ALDH8A1: variants seen among roughly 807,000 people sequenced by gnomAD.
ALDH8A1 encodes 2-aminomuconic semialdehyde dehydrogenase.
In ALDH8A1, 39 loss-of-function variants were observed where a neutral mutation model predicts 43.3. The ratio of observed to expected loss-of-function variants is 0.90; its 90% CI spans 0.70 to 1.18. The LOEUF (loss-of-function observed/expected upper bound fraction) is 1.18, where lower values mean the gene tolerates loss of function less well. Among genes scored for constraint, ALDH8A1 ranks in the 50% most tolerant of loss-of-function variants. ALDH8A1 has a pLI of 0.00. For synonymous variants in ALDH8A1, 233 were observed against 243.5 expected (o/e 0.96, Z 0.40); for missense variants, 605 against 622.6 (o/e 0.97, Z 0.30).
At chr6:134,925,333 G>A (rs1309328887) in intron 6 of ALDH8A1, among the ~76,000 whole-genome samples, 3 of 152,152 alleles carry the variant, frequency 2.0e-5, no homozygotes, top group African/African-American at 4.8e-5. Flanking sequence ...TTTAATGATC[G>A]GTGATACTAG....
At chr6:134,944,619 C>T (rs1362317990) in intron 1 of ALDH8A1, among the ~76,000 whole-genome samples, 2 of 152,110 alleles carry the variant, frequency 1.3e-5, no homozygotes, top group Non-Finnish European at 2.9e-5. Context: ...AGTGGTGGCT[C>T]ATGCCTGTAA....
intron 2 of ALDH8A1, among the ~76,000 whole-genome samples, chr6:134,943,039 G>C (rs1461795582): frequency 1.3e-5 from 2 of 152,178 alleles, no homozygotes; most frequent in Non-Finnish European, 2.9e-5. Flanking sequence ...GGAATGCCCT[G>C]GCACGGGATG....
chr6:134,922,458 G>A (rs1345859508), intron 6 of ALDH8A1, among the ~76,000 whole-genome samples: 4 of 151,946 alleles, frequency 2.6e-5, no homozygotes, highest in Non-Finnish European at 5.9e-5. Flanking sequence ...TGTGATCTCG[G>A]CTCACTGCAA....
chr6:134,933,849 C>T (rs1773675188), intron 4 of ALDH8A1, among the ~76,000 whole-genome samples: 1 of 152,034 alleles, frequency 6.6e-6, no homozygotes, highest in South Asian at 2.1e-4. Flanking sequence ...GCTGGGATTA[C>T]AGGCGTGCAC....
In ALDH8A1 at chr6:134,918,382, C is replaced by T. The variant is rs1776740420; in HGVS notation, c.*33G>A. ...TGAACAACTGATGCCTGCAGCCAGG[C>T]ATTGGCCATAGTGGCTCCACCATTA... On this transcript the variant is annotated 3_prime_UTR_variant, in exon 7 of 7. Coordinates refer to ENST00000265605, the MANE Select transcript of ALDH8A1 (RefSeq NM_022568.4). 1 of 1,588,360 alleles carries T rather than the reference C, an allele frequency of 6.3e-7. No homozygotes were observed. Among genetic ancestry groups the T allele is most frequent in the Admixed American group, 1.7e-5 (1 of 58,788 alleles).
At chr6:134,932,650 A>T in intron 5 of ALDH8A1, 126 bp downstream of exon 5, 1 of 1,344,758 alleles carries the variant, frequency 7.4e-7, no homozygotes. Context: ...CACACAATGT[A>T]CTGATCCTGC....
At position 134,918,564 on chromosome 6, in the gene ALDH8A1, G is replaced by A. The variant is rs1482873474; in HGVS notation, c.1315C>T (p.Gln439Ter). 1 of 1,614,208 alleles carries A rather than the reference G, an allele frequency of 6.2e-7. No homozygotes were observed. The highest frequency in any genetic ancestry group is 2.2e-5 in the East Asian group (1 of 44,882). The change falls in exon 7 of 7, where the codon CAG becomes TAG. Residue 439 changes from glutamine to a stop codon, truncating the protein, a stop_gained. Transcript: ENST00000265605. LOFTEE classifies it high-confidence loss of function. ...GRVHRVAKKLQSGLVWTNCWL... is the reference protein window; with the variant it reads ...GRVHRVAKKL ...CAGTTGGTCCAGACCAAGCCAGACT[G>A]CAGCTTCTTAGCCACCCGGTGGACG...
Position 134,918,189 on chromosome 6 carries a change from T to C in ALDH8A1, c.*226A>G, listed in dbSNP as rs1776736663. The C allele has an allele frequency of 3.8e-6, 2 of 530,456 alleles. No individual in the cohort carries two copies. The highest frequency in any genetic ancestry group is 6.1e-5 in the South Asian group (2 of 32,646). 32.9% of individuals were successfully genotyped at this position (530,456 alleles called of 1,614,324 possible). ...GGAGGAGCCTGACAACTGGCATCAT[T>C]GTTCTATCTTCCTACTTATAAGTCT... On this transcript the variant is annotated 3_prime_UTR_variant, in exon 7 of 7. Transcript: ENST00000265605.
intron 6 of ALDH8A1, among the ~76,000 whole-genome samples, chr6:134,920,211 T>A (rs1017446713): frequency 3.9e-5 from 6 of 152,196 alleles, no homozygotes; most frequent in Non-Finnish European, 7.4e-5. Context: ...AAGACTTTTT[T>A]AAAAAATAGA....
At chr6:134,934,916 G>A (rs538518231) in intron 4 of ALDH8A1, among the ~76,000 whole-genome samples, 3 of 152,322 alleles carry the variant, frequency 2.0e-5, no homozygotes, top group South Asian at 4.1e-4. Context: ...CTTGTAAGTT[G>A]GCCCTACAGT....
chr6:134,935,036 G>A (rs1055650311), intron 4 of ALDH8A1, among the ~76,000 whole-genome samples: 3 of 152,144 alleles, frequency 2.0e-5, no homozygotes, highest in African/African-American at 7.2e-5. Flanking sequence ...CTCTGCTCAG[G>A]ATAAATTTCT....
At chr6:134,944,127 G>A (rs945060428) in intron 1 of ALDH8A1, 161 bp from the exon 2 acceptor site, 9 of 1,007,390 alleles carry the variant, frequency 8.9e-6, no homozygotes, top group Middle Eastern at 3.4e-4. Context: ...GAGGGCAGTG[G>A]CGCAATTTTG....
At chr6:134,940,558 A>G (rs143174460) in intron 3 of ALDH8A1, among the ~76,000 whole-genome samples, 1 of 152,322 alleles carries the variant, frequency 6.6e-6, no homozygotes, top group Non-Finnish European at 1.5e-5. Context: ...TATTTAGAAT[A>G]TTTTTAAATA....
At chr6:134,944,512 G>C (rs969180105) in intron 1 of ALDH8A1, among the ~76,000 whole-genome samples, 7 of 152,166 alleles carry the variant, frequency 4.6e-5, no homozygotes, top group African/African-American at 1.4e-4. Flanking sequence ...CCTGAATGTA[G>C]TAATCAGATC....
At chr6:134,943,675 C>A in intron 2 of ALDH8A1, 144 bp downstream of exon 2, 1 of 1,291,768 alleles carries the variant, frequency 7.7e-7, no homozygotes, top group Non-Finnish European at 1.0e-6. Context: ...CCTTCCCAGG[C>A]CTGGAGCAGG....
In ALDH8A1 at chr6:134,939,422, G is replaced by A. The variant is rs1168341324; in HGVS notation, c.443-7C>T. ...CAGGGGCTGATCAGACCAGCTAAGGGATGAGAGCAGAAGCACTGCCTGTGA... is the reference window on the plus strand; with the variant it reads ...CAGGGGCTGATCAGACCAGCTAAGGAATGAGAGCAGAAGCACTGCCTGTGA... On this transcript the variant is annotated splice_polypyrimidine_tract_variant and splice_region_variant and intron_variant, in intron 3 of 6. Transcript: ENST00000265605. The A allele has an allele frequency of 2.5e-6, 4 of 1,613,230 alleles. No individual in the cohort carries two copies. Among genetic ancestry groups the A allele is most frequent in the Admixed American group, 1.7e-5 (1 of 59,968 alleles).
At chr6:134,948,428 C>G (rs1366246221) in intron 1 of ALDH8A1, among the ~76,000 whole-genome samples, 1 of 152,068 alleles carries the variant, frequency 6.6e-6, no homozygotes, top group Non-Finnish European at 1.5e-5. Context: ...TGATGGAGAT[C>G]CTAATTACCC....
At chr6:134,920,241 A>G (rs2114674552) in intron 6 of ALDH8A1, among the ~76,000 whole-genome samples, 1 of 152,310 alleles carries the variant, frequency 6.6e-6, no homozygotes, top group Non-Finnish European at 1.5e-5. Context: ...ACAGATTTAT[A>G]TTCCCTTCCA....
In ALDH8A1 at chr6:134,949,865, T is replaced by C. The variant is rs1007525742; in HGVS notation, c.138+51A>G. 2.2e-5 allele frequency: 33 copies of C among 1,494,462 alleles called. No individual in the cohort carries two copies. In the East Asian group the frequency reaches 7.6e-4, roughly 35 times the overall value. 92.6% of individuals were successfully genotyped at this position (1,494,462 alleles called of 1,614,324 possible). ...GCTTTTAGAAAACTGTTACCCATAA[T>C]TGGCCAACATATTAAACACATTTCA... On this transcript the variant is annotated intron_variant, in intron 1 of 6. Coordinates refer to ENST00000265605, the MANE Select transcript of ALDH8A1 (RefSeq NM_022568.4).
Sources: gnomAD v4.1 joint callset for allele counts (sites outside exome capture counted in the v4.1 genomes callset) on GRCh38, gnomAD v4.1.1 for gene constraint, MANE v1.5 for transcripts, NCBI Gene and HGNC (gene_info 2026-07-23, HGNC 2026-07-21) for gene names.